PSMF1: variants seen among roughly 807,000 people sequenced by gnomAD.
The protein encoded by PSMF1 is proteasome inhibitor subunit 1.
PSMF1 carries 30 observed loss-of-function variants against 29.3 expected under a neutral mutation model. That is an observed-to-expected ratio of 1.02 (90% CI 0.77 to 1.39). The LOEUF (loss-of-function observed/expected upper bound fraction) is 1.39, where lower values mean the gene tolerates loss of function less well. Ranked by LOEUF, PSMF1 falls within the 40% of genes most tolerant of loss-of-function variation. PSMF1 has a pLI of 0.00. For missense variants in PSMF1, 344 were observed against 357.5 expected, an observed-to-expected ratio of 0.96 and a Z score of 0.31; for synonymous variants, 134 against 139.7, an observed-to-expected ratio of 0.96 and a Z score of 0.29.
Position 1,167,009 on chromosome 20 carries a change from ATAGT to A in PSMF1, c.*1932_*1935del, listed in dbSNP as rs2086737643. ...TTTTCTAGCAGCAAAGTCCGAAAAG[ATAGT>A]TATATACAAAATTCTGTTTTCTGAA... On this transcript the variant is annotated 3_prime_UTR_variant, in exon 7 of 7. Transcript: ENST00000335877. The A allele has an allele frequency of 6.6e-6, 1 of 152,236 alleles. No individual in the cohort carries two copies. Among genetic ancestry groups the A allele is most frequent in the Admixed American group, 6.5e-5 (1 of 15,290 alleles). The allele number at this position is 152,236 out of a possible 1,614,324, so 9.4% of individuals were successfully genotyped here. A position where few individuals can be genotyped will look rare whatever the true frequency, so the allele number is the denominator to read the frequency against.
intron 4 of PSMF1, chr20:1,160,749 G>A (rs1315063102): frequency 9.0e-6 from 4 of 442,146 alleles, no homozygotes; most frequent in South Asian, 3.5e-5. Flanking sequence ...CTACCTGGGC[G>A]ACAAGGCCCA....
intron 4 of PSMF1, among the ~76,000 whole-genome samples, chr20:1,152,792 G>A (rs1445574034): frequency 6.6e-6 from 1 of 152,182 alleles, no homozygotes; most frequent in Non-Finnish European, 1.5e-5. Context: ...AGGACTTGCT[G>A]ATGGGTTGGC....
chr20:1,126,999 TATTAG>T (rs1356881749), intron 2 of PSMF1, among the ~76,000 whole-genome samples: 1 of 152,192 alleles, frequency 6.6e-6, no homozygotes, highest in Non-Finnish European at 1.5e-5. Flanking sequence ...CACTGCCCAG[TATTAG>T]ATACTGGCTG....
Position 1,164,217 on chromosome 20 carries a change from T to A in PSMF1, c.606-101T>A. The A allele has an allele frequency of 8.0e-7, 1 of 1,246,836 alleles. No homozygotes were observed. Among genetic ancestry groups the A allele is most frequent in the South Asian group, 1.3e-5 (1 of 76,896 alleles). 77.2% of individuals were successfully genotyped at this position (1,246,836 alleles called of 1,614,324 possible). ...ACATGTCTGCTTGGGCCATCCAGAG[T>A]AGACATCCCAGCCATTCTTGGTGCA... is the stretch of plus-strand genomic sequence containing the variant. On this transcript the variant is annotated intron_variant, in intron 5 of 6. Coordinates refer to ENST00000335877, the MANE Select transcript of PSMF1 (RefSeq NM_006814.5). This position sits in a 1 kb window ranked among gnomAD's most constrained non-coding sequence, Gnocchi z 4.1.
intron 4 of PSMF1, among the ~76,000 whole-genome samples, chr20:1,153,052 C>G (rs1178992649): frequency 6.6e-6 from 1 of 152,200 alleles, no homozygotes; most frequent in African/African-American, 2.4e-5. Context: ...GACATTCTCA[C>G]TATGTTTCAA....
At chr20:1,138,391 G>A (rs983797994) in intron 4 of PSMF1, among the ~76,000 whole-genome samples, 1 of 152,046 alleles carries the variant, frequency 6.6e-6, no homozygotes, top group Admixed American at 6.6e-5. Context: ...GCGCCCGGTG[G>A]CTCATGCCTG....
Position 1,164,475 on chromosome 20 carries a change from G to A in PSMF1, c.763G>A (p.Gly255Arg), listed in dbSNP as rs117357529. 928 of 1,614,062 alleles carry A rather than the reference G, an allele frequency of 5.7e-4. No homozygotes were observed. Among genetic ancestry groups the A allele is most frequent in the Non-Finnish European group, 7.4e-4 (878 of 1,179,968 alleles). ...PFGPIGTSPP[G>R]PNPDHLPPPG... is the part of the protein sequence containing the mutation. ...TGGACCCATTGGGACCAGCCCACCC[G>A]GGTACGTAGTCACTCAGGTATGCTG... Residue 255 changes from glycine (G) to arginine (R), a missense_variant and splice_region_variant, in exon 6 of 7, where the codon GGA (glycine) becomes AGA (arginine). By Grantham distance (125) the Gly-to-Arg change is moderately radical (BLOSUM62 -2). Coordinates refer to ENST00000335877, the MANE Select transcript of PSMF1 (RefSeq NM_006814.5). The surrounding 1 kb of genome is among the most constrained non-coding windows in gnomAD (Gnocchi z 4.1).
In PSMF1 at chr20:1,165,937, T is replaced by G; in HGVS notation, c.*857T>G. On this transcript the variant is annotated 3_prime_UTR_variant, in exon 7 of 7. Transcript: ENST00000335877. ...CTCTTAGGGCCTTGTGCCAAGCCTATGAAATTGGAGGTGGCTTTCCTGCTC... is the reference window on the plus strand; with the variant it reads ...CTCTTAGGGCCTTGTGCCAAGCCTAGGAAATTGGAGGTGGCTTTCCTGCTC... 1 of 1,347,638 alleles carries G rather than the reference T, an allele frequency of 7.4e-7. No homozygotes were observed. Among genetic ancestry groups the G allele is most frequent in the Non-Finnish European group, 9.6e-7 (1 of 1,045,148 alleles). The allele number at this position is 1,347,638 out of a possible 1,614,324, so 83.5% of individuals were successfully genotyped here. A position where few individuals can be genotyped will look rare whatever the true frequency, so the allele number is the denominator to read the frequency against.
In PSMF1 at chr20:1,163,053, AGT is replaced by A. The variant is rs367707372; in HGVS notation, c.552-72_552-71del. ...CATGCAAGGGTTTCCCATGCCTGTG[AGT>A]GTGTTTGTGATCCCACATGTATCAG... On this transcript the variant is annotated intron_variant, in intron 4 of 6. Coordinates refer to ENST00000335877, the MANE Select transcript of PSMF1 (RefSeq NM_006814.5). The surrounding 1 kb of genome is among the most constrained non-coding windows in gnomAD (Gnocchi z 6.1). The A allele has an allele frequency of 2.8e-4, 426 of 1,510,370 alleles. 2 individuals are homozygous for A. In the African/African-American group the frequency reaches 5.2e-3, roughly 19 times the overall value. The allele number at this position is 1,510,370 out of a possible 1,614,324, so 93.6% of individuals were successfully genotyped here.
upstream of PSMF1, among the ~76,000 whole-genome samples, chr20:1,114,076 C>T (rs1388450153): frequency 6.6e-6 from 1 of 152,160 alleles, no homozygotes; most frequent in Non-Finnish European, 1.5e-5. Context: ...ACCCTCATCA[C>T]CCTTCAGCAG....
intron 4 of PSMF1, among the ~76,000 whole-genome samples, chr20:1,136,675 G>A (rs1170939910): frequency 2.0e-5 from 3 of 152,180 alleles, no homozygotes; most frequent in African/African-American, 7.2e-5. Flanking sequence ...ACACTGGAGA[G>A]CATGGATGTT....
chr20:1,156,070 CA>C (rs944417154), intron 4 of PSMF1, among the ~76,000 whole-genome samples: 2 of 152,142 alleles, frequency 1.3e-5, no homozygotes, highest in African/African-American at 4.8e-5. Flanking sequence ...AGCAAATAAA[CA>C]GAAGACCTTA....
At chr20:1,113,737 G>C (rs978106622), upstream of PSMF1, among the ~76,000 whole-genome samples, 4 of 152,040 alleles carry the variant, frequency 2.6e-5, no homozygotes, top group Admixed American at 2.6e-4. Context: ...CTGTCGCCCA[G>C]GTTGGAGTGC....
chr20:1,113,901 C>T (rs912810011), upstream of PSMF1, among the ~76,000 whole-genome samples: 1 of 151,890 alleles, frequency 6.6e-6, no homozygotes, highest in African/African-American at 2.4e-5. Flanking sequence ...CTGTGTTAGC[C>T]AGGATGGTCT....
At chr20:1,135,343 T>C in intron 4 of PSMF1, 37 bp downstream of exon 4, 3 of 1,556,504 alleles carry the variant, frequency 1.9e-6, no homozygotes, top group Non-Finnish European at 2.6e-6. Context: ...CCCATGCTTC[T>C]GTAGAGGGAT....
At chr20:1,137,236 C>T (rs2086318413) in intron 4 of PSMF1, among the ~76,000 whole-genome samples, 1 of 152,100 alleles carries the variant, frequency 6.6e-6, no homozygotes, top group Non-Finnish European at 1.5e-5. Flanking sequence ...AAAATCCTAG[C>T]CTTGGAAGAA....
intron 4 of PSMF1, among the ~76,000 whole-genome samples, chr20:1,136,928 C>T (rs1677898473): frequency 6.6e-6 from 1 of 152,118 alleles, no homozygotes; most frequent in South Asian, 2.1e-4. Flanking sequence ...GAAAAAAATA[C>T]TTAGTGTTCA....
chr20:1,147,962 C>T (rs943469893), intron 4 of PSMF1, among the ~76,000 whole-genome samples: 4 of 152,198 alleles, frequency 2.6e-5, no homozygotes, highest in Non-Finnish European at 4.4e-5. Flanking sequence ...CCTTGGCTGG[C>T]GCTCGGAGCA....
At chr20:1,135,045 G>GTC in intron 3 of PSMF1, 76 bp from the exon 4 acceptor site, 1 of 1,507,000 alleles carries the variant, frequency 6.6e-7, no homozygotes, top group East Asian at 2.3e-5. Flanking sequence ...CGCCGCCGCC[G>GTC]TCGTTGCAGC....
Sources: allele counts gnomAD v4.1 joint callset (sites outside exome capture counted in the v4.1 genomes callset), GRCh38; gene constraint gnomAD v4.1.1; non-coding constraint Gnocchi (gnomAD v3.1); transcripts MANE v1.5; gene names NCBI Gene and HGNC (gene_info 2026-07-23, HGNC 2026-07-21).